The following C1orf21 variants were observed in gnomAD, a reference collection of about 807,000 sequenced individuals.
C1orf21 encodes the protein uncharacterized protein C1orf21.
A neutral mutation model predicts 18.7 loss-of-function variants in C1orf21; 3 were observed. The observed-to-expected ratio is 0.16, with a 90% confidence interval of 0.07 to 0.42. The LOEUF (loss-of-function observed/expected upper bound fraction) is 0.42, where lower values mean the gene tolerates loss of function less well. Ranked by LOEUF, C1orf21 falls within the 10% of genes least tolerant of loss-of-function variation. C1orf21 has a pLI of 0.99. For synonymous variants in C1orf21, 41 were observed against 46.4 expected (o/e 0.88, Z 0.47); for missense variants, 104 against 143.6 (o/e 0.72, Z 1.41).
intron 3 of C1orf21, among the ~76,000 whole-genome samples, chr1:184,538,029 G>A (rs1658586721): frequency 6.6e-6 from 1 of 152,128 alleles, no homozygotes; most frequent in Non-Finnish European, 1.5e-5. Context: ...ATGTTTTGAG[G>A]AGCTGCCAGA....
chr1:184,399,600 C>T (rs912825636), intron 1 of C1orf21, among the ~76,000 whole-genome samples: 5 of 152,016 alleles, frequency 3.3e-5, no homozygotes, highest in African/African-American at 1.2e-4. Flanking sequence ...AGCAATCTGC[C>T]CACCTTTGGC....
At chr1:184,529,904 C>A (rs541171602) in intron 3 of C1orf21, among the ~76,000 whole-genome samples, 2 of 152,162 alleles carry the variant, frequency 1.3e-5, no homozygotes, top group Admixed American at 1.3e-4. Context: ...GTCAAATAGA[C>A]CCTGGTTCAG....
chr1:184,566,355 G>A (rs1659035712), intron 3 of C1orf21, among the ~76,000 whole-genome samples: 1 of 152,210 alleles, frequency 6.6e-6, no homozygotes, highest in Non-Finnish European at 1.5e-5. Flanking sequence ...ATTAAGGCAT[G>A]AAGAAACCAA....
At chr1:184,586,023 A>T (rs1252070892) in intron 3 of C1orf21, among the ~76,000 whole-genome samples, 1 of 152,186 alleles carries the variant, frequency 6.6e-6, no homozygotes, top group Non-Finnish European at 1.5e-5. Context: ...TTCTATTTTT[A>T]GATCTTTGAG....
chr1:184,457,331 G>A (rs893128772), intron 1 of C1orf21, among the ~76,000 whole-genome samples: 7 of 152,084 alleles, frequency 4.6e-5, no homozygotes, highest in African/African-American at 1.4e-4. Context: ...CTCCTGATGC[G>A]TAGACTAACG....
At chr1:184,410,654 TA>T (rs1557965116) in intron 1 of C1orf21, among the ~76,000 whole-genome samples, 249 of 7,530 alleles carry the variant, frequency 0.033, 50 homozygotes, top group Non-Finnish European at 0.041. Flanking sequence ...TATATATATA[TA>T]TATATATATT....
At chr1:184,427,183 G>A (rs1314336359) in intron 1 of C1orf21, among the ~76,000 whole-genome samples, 2 of 152,122 alleles carry the variant, frequency 1.3e-5, no homozygotes, top group Non-Finnish European at 2.9e-5. Context: ...CAAAACCAGG[G>A]TGTAAAAGTT....
chr1:184,542,181 G>A (rs959870185), intron 3 of C1orf21, among the ~76,000 whole-genome samples: 7 of 152,150 alleles, frequency 4.6e-5, no homozygotes, highest in African/African-American at 9.7e-5. Flanking sequence ...AGGGTCTCAC[G>A]TGAACATCCT....
intron 1 of C1orf21, among the ~76,000 whole-genome samples, chr1:184,443,897 C>T (rs889779328): frequency 2.0e-5 from 3 of 152,098 alleles, no homozygotes; most frequent in Non-Finnish European, 4.4e-5. Context: ...TAAGAAGGCC[C>T]AATCCCATGA....
intron 5 of C1orf21, among the ~76,000 whole-genome samples, chr1:184,619,143 C>T (rs141330474): frequency 5.3e-5 from 8 of 152,246 alleles, no homozygotes; most frequent in Admixed American, 2.0e-4. Context: ...TTTTCAGGCA[C>T]GGGGATGTAG....
chr1:184,449,405 T>C (rs1029323593), intron 1 of C1orf21, among the ~76,000 whole-genome samples: 1 of 152,188 alleles, frequency 6.6e-6, no homozygotes, highest in African/African-American at 2.4e-5. Context: ...CTGCATAGTA[T>C]TCCATGGTGT....
intron 2 of C1orf21, among the ~76,000 whole-genome samples, chr1:184,488,367 T>C (rs1657764616): frequency 6.6e-6 from 1 of 152,216 alleles, no homozygotes; most frequent in Non-Finnish European, 1.5e-5. Context: ...CATAAATCTA[T>C]ACATGAGTGT....
At chr1:184,446,722 C>A (rs1485533509) in intron 1 of C1orf21, among the ~76,000 whole-genome samples, 2 of 149,834 alleles carry the variant, frequency 1.3e-5, no homozygotes. Context: ...AAAAAAAAAA[C>A]AAAACAATAT....
intron 3 of C1orf21, among the ~76,000 whole-genome samples, chr1:184,538,259 A>G (rs141094018): frequency 1.8e-4 from 28 of 152,240 alleles, no homozygotes; most frequent in African/African-American, 6.7e-4. Flanking sequence ...CCATTTGTAT[A>G]TCTTCTTTGG....
At chr1:184,460,400 A>C (rs538463011) in intron 1 of C1orf21, among the ~76,000 whole-genome samples, 36 of 152,326 alleles carry the variant, frequency 2.4e-4, no homozygotes, top group African/African-American at 7.7e-4. Flanking sequence ...TATTAACAAG[A>C]AGTACTAAGG....
intron 1 of C1orf21, among the ~76,000 whole-genome samples, chr1:184,472,082 C>A (rs906129626): frequency 6.6e-6 from 1 of 151,854 alleles, no homozygotes; most frequent in African/African-American, 2.4e-5. Context: ...TGTATTAACA[C>A]TCATTACAGT....
intron 3 of C1orf21, among the ~76,000 whole-genome samples, chr1:184,576,675 C>T (rs1381552290): frequency 6.6e-6 from 1 of 152,260 alleles, no homozygotes; most frequent in Non-Finnish European, 1.5e-5. Flanking sequence ...ACAGACTGCC[C>T]TGTTTTCCTC....
At chr1:184,504,733 A>AT (rs1269247878) in intron 2 of C1orf21, among the ~76,000 whole-genome samples, 4 of 151,892 alleles carry the variant, frequency 2.6e-5, no homozygotes, top group Non-Finnish European at 5.9e-5. Context: ...ACCGTGATGG[A>AT]TTTTGTGCGG....
chr1:184,499,498 G>C (rs966532232), intron 2 of C1orf21, among the ~76,000 whole-genome samples: 1 of 152,080 alleles, frequency 6.6e-6, no homozygotes, highest in Non-Finnish European at 1.5e-5. Flanking sequence ...TGACAAGAGA[G>C]GATATGGTAG....
Sources: allele counts gnomAD v4.1 joint callset (sites outside exome capture counted in the v4.1 genomes callset), GRCh38; gene constraint gnomAD v4.1.1; transcripts MANE v1.5; gene names NCBI Gene and HGNC (gene_info 2026-07-23, HGNC 2026-07-21).